RASAL2: variants seen among roughly 807,000 people sequenced by gnomAD.
RASAL2 encodes RAS protein activator like 2, also known as ras GTPase-activating protein nGAP.
RASAL2 carries 58 observed loss-of-function variants against 128.9 expected under a neutral mutation model. That is an observed-to-expected ratio of 0.45 (90% CI 0.36 to 0.56). The LOEUF is 0.56. Among genes scored for constraint, RASAL2 ranks in the 20% least tolerant of loss-of-function variants. The probability of loss-of-function intolerance (pLI) is 0.00; values close to 1 mark genes in which losing one functional copy is unlikely to be tolerated. For synonymous variants in RASAL2, 561 were observed against 580.8 expected, an observed-to-expected ratio of 0.97 and a Z score of 0.49; for missense variants, 1,360 against 1,601.6, an observed-to-expected ratio of 0.85 and a Z score of 2.57.
Position 178,473,171 on chromosome 1 carries a change from A to ATC in RASAL2, c.3778_3779dup (p.Thr1262ProfsTer33). ...GTACAGCATGCAGGTCCGCAATGGC[A>ATC]TCTCCCCCACCAACCCCACCAAGCT... On this transcript the variant is annotated frameshift_variant, in exon 18 of 18. Coordinates refer to ENST00000367649, the MANE Select transcript of RASAL2 (RefSeq NM_170692.4). LOFTEE classifies it high-confidence loss of function. The ATC allele has an allele frequency of 2.5e-6, 4 of 1,614,186 alleles. No homozygotes were observed. Among genetic ancestry groups the ATC allele is most frequent in the Non-Finnish European group, 3.4e-6 (4 of 1,180,028 alleles).
At chr1:178,246,793 T>C (rs1049123281) in intron 1 of RASAL2, among the ~76,000 whole-genome samples, 2 of 151,854 alleles carry the variant, frequency 1.3e-5, no homozygotes, top group African/African-American at 4.9e-5. Context: ...TTGAATTTTA[T>C]CAAAAGCTTT....
chr1:178,323,227 G>A (rs958348376), intron 3 of RASAL2, among the ~76,000 whole-genome samples: 3 of 152,102 alleles, frequency 2.0e-5, no homozygotes, highest in Admixed American at 1.3e-4. Context: ...CCTCTTAGAT[G>A]GCAAGATTGT....
chr1:178,430,446 CT>C (rs1675811381), intron 5 of RASAL2, among the ~76,000 whole-genome samples: 1 of 152,066 alleles, frequency 6.6e-6, no homozygotes, highest in African/African-American at 2.4e-5. Flanking sequence ...TTTACTCCAT[CT>C]TTGTATTCTT....
chr1:178,367,337 T>A (rs532500329), intron 3 of RASAL2, among the ~76,000 whole-genome samples: 1 of 152,246 alleles, frequency 6.6e-6, no homozygotes, highest in Non-Finnish European at 1.5e-5. Context: ...AATGTCAACC[T>A]CTCAGCAAGG....
intron 3 of RASAL2, among the ~76,000 whole-genome samples, chr1:178,324,734 G>A (rs1668954021): frequency 1.3e-5 from 2 of 152,006 alleles, no homozygotes; most frequent in African/African-American, 4.8e-5. Flanking sequence ...TGTGCATATG[G>A]CTCTCTTTTT....
At chr1:178,144,181 A>G (rs2101865233) in intron 1 of RASAL2, among the ~76,000 whole-genome samples, 1 of 152,250 alleles carries the variant, frequency 6.6e-6, no homozygotes, top group East Asian at 1.9e-4. Flanking sequence ...CTGTCCTCCT[A>G]CTTAACCTCT....
rs146454603 is a variant in RASAL2 at position 178,198,773 on chromosome 1, A to T, written c.203-84791A>T. 4.0e-4 allele frequency among the ~76,000 whole-genome samples: 61 copies of T among 152,350 alleles called. No individual in the cohort carries two copies. The East Asian group carries it at 0.01, about 25-fold the overall frequency. Reference sequence around the variant, plus strand: ...CTCCAAGTTAGGCTACCTGGGGGTCAGGCACCCACTTGAGGGTGCAATCTG... The same window carrying T: ...CTCCAAGTTAGGCTACCTGGGGGTCTGGCACCCACTTGAGGGTGCAATCTG... On this transcript the variant is annotated intron_variant, in intron 1 of 17. Transcript: ENST00000367649.
At chr1:178,356,381 A>C (rs1159790903) in intron 3 of RASAL2, among the ~76,000 whole-genome samples, 1 of 152,094 alleles carries the variant, frequency 6.6e-6, no homozygotes, top group Non-Finnish European at 1.5e-5. Flanking sequence ...ACATAAATAC[A>C]TGCTTATGTA....
intron 1 of RASAL2, among the ~76,000 whole-genome samples, chr1:178,171,547 A>T (rs1374862197): frequency 6.6e-6 from 1 of 152,030 alleles, no homozygotes; most frequent in East Asian, 1.9e-4. Context: ...TTTTACTTGT[A>T]TAGTTGGGGT....
chr1:178,389,203 GC>G, intron 3 of RASAL2: 2 of 880,210 alleles, frequency 2.3e-6, no homozygotes, highest in Non-Finnish European at 2.7e-6. Context: ...TTAGGATGTG[GC>G]TTTTTTTTCC....
At chr1:178,262,946 T>A (rs1665769007) in intron 1 of RASAL2, among the ~76,000 whole-genome samples, 2 of 152,260 alleles carry the variant, frequency 1.3e-5, no homozygotes, top group Middle Eastern at 3.4e-3. Context: ...CAAAAGGCTC[T>A]GGATTTGTTG....
At chr1:178,368,435 A>G (rs1175123806) in intron 3 of RASAL2, among the ~76,000 whole-genome samples, 1 of 152,182 alleles carries the variant, frequency 6.6e-6, no homozygotes, top group Non-Finnish European at 1.5e-5. Context: ...ACATGCACAT[A>G]CACACAGGAA....
intron 4 of RASAL2, 55 bp from the exon 5 acceptor site, chr1:178,420,456 C>T (rs573525088): frequency 1.3e-5 from 15 of 1,150,244 alleles, no homozygotes; most frequent in South Asian, 1.2e-4. Context: ...ATAGTGTGGA[C>T]GAGTAACATT....
chr1:178,274,266 G>T (rs1435051692), intron 1 of RASAL2, among the ~76,000 whole-genome samples: 2 of 152,096 alleles, frequency 1.3e-5, no homozygotes, highest in African/African-American at 4.8e-5. Context: ...TAGTGTCTGA[G>T]TTCACTCTTT....
At chr1:178,293,835 G>C (rs986713363) in intron 2 of RASAL2, among the ~76,000 whole-genome samples, 3 of 152,172 alleles carry the variant, frequency 2.0e-5, no homozygotes, top group Non-Finnish European at 4.4e-5. Flanking sequence ...ATGTGTTACC[G>C]GAGAACTAAA....
chr1:178,413,386 G>A (rs1674539989), intron 4 of RASAL2, among the ~76,000 whole-genome samples: 2 of 152,184 alleles, frequency 1.3e-5, no homozygotes, highest in Non-Finnish European at 1.5e-5. Flanking sequence ...TGGGGTGGGT[G>A]GGGTGAGGGG....
intron 1 of RASAL2, among the ~76,000 whole-genome samples, chr1:178,153,101 C>T (rs1409105443): frequency 6.6e-6 from 1 of 152,086 alleles, no homozygotes; most frequent in Non-Finnish European, 1.5e-5. Flanking sequence ...TTCTTTCTCT[C>T]TCCCAACCCC....
At chr1:178,320,043 A>G (rs1322286731) in intron 3 of RASAL2, among the ~76,000 whole-genome samples, 16 of 151,452 alleles carry the variant, frequency 1.1e-4, no homozygotes, top group African/African-American at 2.7e-4. Flanking sequence ...GTCTGTTGGA[A>G]TACCCTGCCA....
intron 1 of RASAL2, among the ~76,000 whole-genome samples, chr1:178,208,022 TCTTTA>T (rs1274408993): frequency 5.3e-5 from 8 of 152,218 alleles, no homozygotes; most frequent in South Asian, 2.1e-4. Flanking sequence ...CTTATGCCTA[TCTTTA>T]CTTTAATCTC....
Sources: gnomAD v4.1 joint callset for allele counts (sites outside exome capture counted in the v4.1 genomes callset) on GRCh38, gnomAD v4.1.1 for gene constraint, MANE v1.5 for transcripts, NCBI Gene and HGNC (gene_info 2026-07-23, HGNC 2026-07-21) for gene names.